CLCN5: variants seen among roughly 807,000 people sequenced by gnomAD.
CLCN5 encodes Cl-/H+ antiporter 5.
In CLCN5, 17 loss-of-function variants were observed where a neutral mutation model predicts 54.0. The observed-to-expected ratio is 0.31, with a 90% CI of 0.22 to 0.47. The LOEUF (loss-of-function observed/expected upper bound fraction) is 0.47. Among genes scored for constraint, CLCN5 ranks in the 20% least tolerant of loss-of-function variants. The pLI, the probability that CLCN5 is intolerant of heterozygous loss-of-function variation, is 1.00. For synonymous variants in CLCN5, 222 were observed against 233.0 expected (o/e 0.95, Z 0.43); for missense variants, 448 against 646.7 (o/e 0.69, Z 3.33).
chrX:50,008,059 TC>T (rs1441251905), intron 3 of CLCN5, among the ~76,000 whole-genome samples: 1 of 112,252 alleles, frequency 8.9e-6, no homozygotes, highest in Non-Finnish European at 1.9e-5. Context: ...ACTCACCAAG[TC>T]AGAAACCTCT....
intron 3 of CLCN5, among the ~76,000 whole-genome samples, chrX:50,032,546 T>C (rs558153015): frequency 0.049 from 5,214 of 106,253 alleles, 556 homozygotes; most frequent in African/African-American, 0.19. Flanking sequence ...TCATGTCCTT[T>C]GCCCACTTTT....
chrX:50,032,606 C>G (rs782202573), intron 3 of CLCN5, among the ~76,000 whole-genome samples: 4,817 of 103,810 alleles, frequency 0.046, 375 homozygotes, highest in African/African-American at 0.15. Context: ...GTTCATTGTA[C>G]ATTCTGGATA....
chrX:49,941,444 G>A (rs782422319), intron 3 of CLCN5, among the ~76,000 whole-genome samples: 2 of 111,381 alleles, frequency 1.8e-5, no homozygotes, highest in Non-Finnish European at 3.8e-5. Flanking sequence ...AACATCCTCC[G>A]TGCAGGGCAG....
intron 3 of CLCN5, among the ~76,000 whole-genome samples, chrX:49,955,946 C>T (rs1363603487): frequency 8.9e-6 from 1 of 111,785 alleles, no homozygotes; most frequent in Non-Finnish European, 1.9e-5. Context: ...TTCAAATTGA[C>T]AAATTCTGGG....
chrX:49,957,287 G>A (rs782076608), intron 3 of CLCN5, among the ~76,000 whole-genome samples: 123 of 111,173 alleles, frequency 1.1e-3, no homozygotes, highest in African/African-American at 3.9e-3. Flanking sequence ...GCGACAGAGT[G>A]AGACTCTGTC....
At chrX:50,057,385 G>A (rs1932769755) in intron 4 of CLCN5, among the ~76,000 whole-genome samples, 1 of 87,837 alleles carries the variant, frequency 1.1e-5, no homozygotes, top group Non-Finnish European at 2.3e-5. Flanking sequence ...GTCCTGGATA[G>A]ATACTATCCA....
chrX:50,033,201 T>G (rs1295074470), intron 3 of CLCN5, among the ~76,000 whole-genome samples: 10 of 111,032 alleles, frequency 9.0e-5, no homozygotes, highest in African/African-American at 3.3e-4. Context: ...TAAAGGGTAT[T>G]CAATTAGGAA....
chrX:50,007,085 C>T (rs1038290537), intron 3 of CLCN5, among the ~76,000 whole-genome samples: 5 of 111,837 alleles, frequency 4.5e-5, no homozygotes, highest in African/African-American at 1.6e-4. Flanking sequence ...TAACTCTACT[C>T]TCTTTGCCCT....
rs1301195024 is a variant in CLCN5, at chrX:50,093,521, A to G, written c.*1302A>G. On this transcript the variant is annotated 3_prime_UTR_variant, in exon 15 of 15. Coordinates refer to ENST00000376091, the MANE Select transcript of CLCN5 (RefSeq NM_001127898.4). Reference sequence around the variant, plus strand: ...GTGACACCAAAGGTGCTTGTATCCAATTGAAAAGGTGCCTGTCTCAATTTC... The same window carrying G: ...GTGACACCAAAGGTGCTTGTATCCAGTTGAAAAGGTGCCTGTCTCAATTTC... 1 of 111,835 alleles carries G rather than the reference A, an allele frequency of 8.9e-6. No homozygotes were observed. Among genetic ancestry groups the G allele is most frequent in the African/African-American group, 3.3e-5 (1 of 30,631 alleles). The allele number at this position is 111,835 out of a possible 1,213,427, so 9.2% of individuals were successfully genotyped here. A position where few individuals can be genotyped will look rare whatever the true frequency, so the allele number is the denominator to read the frequency against.
rs1926836781 is a variant in CLCN5 at position 49,947,870 on chromosome X, A to G, written c.16+22556A>G. Among the ~76,000 whole-genome samples, 4 of 110,774 alleles carry G rather than the reference A, an allele frequency of 3.6e-5. No homozygotes were observed. The South Asian group carries it at 1.2e-3, about 32-fold the overall frequency. On this transcript the variant is annotated intron_variant, in intron 3 of 14. Coordinates refer to ENST00000376091, the MANE Select transcript of CLCN5 (RefSeq NM_001127898.4). ...GACGTGATGTAGGGAGGAGGTTATG[A>G]TTTTTAAGAAGCCTCTTTCTGACCT...
At chrX:50,034,273 G>C (rs1032487343) in intron 3 of CLCN5, among the ~76,000 whole-genome samples, 17 of 112,120 alleles carry the variant, frequency 1.5e-4, no homozygotes, top group African/African-American at 5.2e-4. Context: ...AGTATAGTGG[G>C]TAGACAGAAG....
chrX:49,975,639 C>T (rs972837909), intron 3 of CLCN5, among the ~76,000 whole-genome samples: 1 of 110,893 alleles, frequency 9.0e-6, no homozygotes, highest in African/African-American at 3.3e-5. Context: ...TACCATGACC[C>T]CCTGTTCCAT....
At chrX:49,924,253 A>G (rs1330629631) in intron 2 of CLCN5, among the ~76,000 whole-genome samples, 1 of 109,575 alleles carries the variant, frequency 9.1e-6, no homozygotes, top group African/African-American at 3.4e-5. Context: ...CCCGGGTTCA[A>G]GCGATTCTCC....
In CLCN5 at chrX:50,018,358, G is replaced by A. The variant is rs112996079; in HGVS notation, c.17-23958G>A. ...CTATAGTTACTCATTTGTTTCAGGAGTTGTTGACTCTTTGGATTTTCTACA... is the reference window on the plus strand; with the variant it reads ...CTATAGTTACTCATTTGTTTCAGGAATTGTTGACTCTTTGGATTTTCTACA... On this transcript the variant is annotated intron_variant, in intron 3 of 14. Coordinates refer to ENST00000376091, the MANE Select transcript of CLCN5 (RefSeq NM_001127898.4). Among the ~76,000 whole-genome samples the A allele has an allele frequency of 6.9e-3, 771 of 111,984 alleles. 6 individuals are homozygous for A. The highest frequency in any genetic ancestry group is 0.023 in the African/African-American group (721 of 30,874).
intron 3 of CLCN5, among the ~76,000 whole-genome samples, chrX:49,949,859 T>TAACA (rs1926948865): frequency 8.9e-6 from 1 of 111,936 alleles, no homozygotes; most frequent in Non-Finnish European, 1.9e-5. Context: ...GGCTTCTGTA[T>TAACA]AACATCTTTT....
At chrX:50,070,121 G>T in intron 5 of CLCN5, 91 bp downstream of exon 5, 1 of 871,450 alleles carries the variant, frequency 1.1e-6, no homozygotes, top group Non-Finnish European at 1.6e-6. Flanking sequence ...CCTTTCTTCA[G>T]CCCTGGATGT....
intron 4 of CLCN5, among the ~76,000 whole-genome samples, chrX:50,066,326 A>G (rs181046324): frequency 9.0e-6 from 1 of 111,463 alleles, no homozygotes; most frequent in Non-Finnish European, 1.9e-5. Context: ...CCTTAATGCT[A>G]GATTAGTTCA....
Position 50,098,135 on chromosome X carries a change from C to A in CLCN5, c.*5916C>A, listed in dbSNP as rs1396774251. 8.9e-6 allele frequency: 1 copy of A among 111,875 alleles called. No homozygotes were observed. Among genetic ancestry groups the A allele is most frequent in the Non-Finnish European group, 1.9e-5 (1 of 53,139 alleles). The allele number at this position is 111,875 out of a possible 1,213,427, so 9.2% of individuals were successfully genotyped here. A position where few individuals can be genotyped will look rare whatever the true frequency, so the allele number is the denominator to read the frequency against. On this transcript the variant is annotated 3_prime_UTR_variant, in exon 15 of 15. Coordinates refer to ENST00000376091, the MANE Select transcript of CLCN5 (RefSeq NM_001127898.4). ...GCTTTTTTTTATAAGTATGTATTTA[C>A]TTTTTATTATATATTTGGTCCTTTG...
At chrX:49,941,875 A>G (rs1205019180) in intron 3 of CLCN5, among the ~76,000 whole-genome samples, 3 of 98,589 alleles carry the variant, frequency 3.0e-5, no homozygotes, top group Non-Finnish European at 6.1e-5. Flanking sequence ...CTCAATCAAT[A>G]TCTTTTTTTT....
Sources: gnomAD v4.1 joint callset for allele counts (sites outside exome capture counted in the v4.1 genomes callset) on GRCh38, gnomAD v4.1.1 for gene constraint, MANE v1.5 for transcripts, NCBI Gene and HGNC (gene_info 2026-07-23, HGNC 2026-07-21) for gene names.